Variants in ASPH observed in about 807,000 individuals in gnomAD.
The protein encoded by ASPH is aspartyl/asparaginyl beta-hydroxylase.
A neutral mutation model predicts 118.4 loss-of-function variants in ASPH; 100 were observed. That is an observed-to-expected ratio of 0.84 (90% CI 0.72 to 1.00). The LOEUF (loss-of-function observed/expected upper bound fraction) is 1.00. ASPH is among the 50% of genes least tolerant of loss of function. The probability of loss-of-function intolerance (pLI) is 0.00; values close to 1 mark genes in which losing one functional copy is unlikely to be tolerated. For missense variants in ASPH, 920 were observed against 919.5 expected, an observed-to-expected ratio of 1.00 and a Z score of -0.01; for synonymous variants, 315 against 325.6, an observed-to-expected ratio of 0.97 and a Z score of 0.35.
intron 3 of ASPH, chr8:61,680,636 T>G (rs1827569387): frequency 6.0e-6 from 1 of 166,828 alleles, no homozygotes; most frequent in Admixed American, 6.4e-5. Flanking sequence ...TGGCTATAAT[T>G]ACCATATCTA....
At chr8:61,578,081 T>C in intron 15 of ASPH, 3 of 952,192 alleles carry the variant, frequency 3.2e-6, no homozygotes, top group Non-Finnish European at 4.5e-6. Context: ...ATCAGTTACT[T>C]CTAAGATACA....
chr8:61,583,650 C>A, intron 15 of ASPH: 1 of 250,988 alleles, frequency 4.0e-6, no homozygotes, highest in Middle Eastern at 1.2e-3. Context: ...AGAAAACTAA[C>A]GCCCAGAAGA....
intron 19 of ASPH, among the ~76,000 whole-genome samples, chr8:61,554,910 C>T (rs1827312823): frequency 6.6e-6 from 1 of 152,088 alleles, no homozygotes; most frequent in Non-Finnish European, 1.5e-5. Flanking sequence ...ATGGGAATCT[C>T]ACTAGGTTGC....
chr8:61,578,296 C>G, intron 15 of ASPH: 1 of 1,593,818 alleles, frequency 6.3e-7, no homozygotes, highest in Non-Finnish European at 8.6e-7. Flanking sequence ...CGCTCCTACA[C>G]GAGTGGGCCC....
At chr8:61,508,144 A>G (rs1807365846) in intron 24 of ASPH, among the ~76,000 whole-genome samples, 2 of 152,222 alleles carry the variant, frequency 1.3e-5, no homozygotes, top group South Asian at 4.1e-4. Context: ...TCTCCCGAGT[A>G]CCTAGGACTA....
At chr8:61,574,886 C>A (rs2132050822) in intron 16 of ASPH, among the ~76,000 whole-genome samples, 1 of 152,028 alleles carries the variant, frequency 6.6e-6, no homozygotes, top group African/African-American at 2.4e-5. Flanking sequence ...AACAAACAAA[C>A]CCTCCCATGG....
intron 1 of ASPH, among the ~76,000 whole-genome samples, chr8:61,691,050 C>T (rs7003147): frequency 0.84 from 127,303 of 152,168 alleles, 53,398 homozygotes; most frequent in African/African-American, 0.88. Flanking sequence ...ATTAACCTTA[C>T]TACTATTGAT....
At chr8:61,672,337 G>A (rs568231818) in intron 3 of ASPH, among the ~76,000 whole-genome samples, 1 of 152,072 alleles carries the variant, frequency 6.6e-6, no homozygotes, top group Admixed American at 6.6e-5. Context: ...GACTAAATAA[G>A]CAGAAAGGGA....
intron 24 of ASPH, among the ~76,000 whole-genome samples, chr8:61,508,913 A>C (rs1807710102): frequency 6.6e-6 from 1 of 152,210 alleles, no homozygotes; most frequent in Non-Finnish European, 1.5e-5. Context: ...GCTCTTACTC[A>C]TTCTGATCTA....
intron 5 of ASPH, among the ~76,000 whole-genome samples, chr8:61,649,956 T>C (rs1380378162): frequency 6.6e-6 from 1 of 152,168 alleles, no homozygotes; most frequent in Non-Finnish European, 1.5e-5. Context: ...TCAGGTCCTT[T>C]CCTGTCTCTG....
chr8:61,712,270 A>G (rs1458673269), intron 1 of ASPH, among the ~76,000 whole-genome samples: 1 of 152,236 alleles, frequency 6.6e-6, no homozygotes, highest in Admixed American at 6.5e-5. Flanking sequence ...AACAGCATTA[A>G]AAGAAAAGCC....
At chr8:61,576,715 T>C in intron 16 of ASPH, 57 bp downstream of exon 16, 2 of 1,468,412 alleles carry the variant, frequency 1.4e-6, no homozygotes, top group Admixed American at 2.0e-5. Flanking sequence ...AAAAATTCAA[T>C]CACACAAAAC....
At position 61,552,999 on chromosome 8, in the gene ASPH, TAGAG is replaced by T. The variant is rs754013355; in HGVS notation, c.1626+28_1626+31del. 172 of 1,512,852 alleles carry T rather than the reference TAGAG, an allele frequency of 1.1e-4. 1 individual carries two copies. In the African/African-American group the frequency reaches 2.1e-3, roughly 18 times the overall value. The allele number at this position is 1,512,852 out of a possible 1,614,324, so 93.7% of individuals were successfully genotyped here. A position where few individuals can be genotyped will look rare whatever the true frequency, so the allele number is the denominator to read the frequency against. ...TTATTCTCCCAACTCCATCCTCTGTTAGAGAGAATCAGAAATTCATATACCCATT... is the reference window on the plus strand; with the variant it reads ...TTATTCTCCCAACTCCATCCTCTGTTAGAATCAGAAATTCATATACCCATT... On this transcript the variant is annotated intron_variant, in intron 20 of 24. Transcript: ENST00000379454.
intron 24 of ASPH, 112 bp from the exon 25 acceptor site, chr8:61,503,621 A>G: frequency 9.0e-6 from 9 of 994,506 alleles, no homozygotes; most frequent in African/African-American, 1.6e-5. Context: ...TTTGGGACAT[A>G]ACCAAATAAC....
At chr8:61,564,043 G>C (rs889327874) in intron 17 of ASPH, among the ~76,000 whole-genome samples, 2 of 152,204 alleles carry the variant, frequency 1.3e-5, no homozygotes, top group Non-Finnish European at 2.9e-5. Context: ...TGCTGTGGAA[G>C]AGGCAGTCAC....
chr8:61,626,659 C>T lies in ASPH; in HGVS notation c.934+7024G>A, dbSNP rs570555608. Among the ~76,000 whole-genome samples the T allele has an allele frequency of 4.6e-5, 7 of 150,674 alleles. No individual in the cohort carries two copies. The South Asian group carries it at 1.5e-3, about 32-fold the overall frequency. On this transcript the variant is annotated intron_variant, in intron 13 of 24. Transcript: ENST00000379454. ...GAAGCAGTTTCAAGGATCAACTGGA[C>T]ACTATAAGCTGCATTTAAAATATAT... is the stretch of plus-strand genomic sequence containing the variant.
In ASPH at chr8:61,539,699, G is replaced by GGGGTGTGTGTGTGTGTGTGTGTGT. The variant is rs1554618405; in HGVS notation, c.1764+8371_1764+8372insACACACACACACACACACACACCC. 8.8e-4 allele frequency among the ~76,000 whole-genome samples: 109 copies of GGGGTGTGTGTGTGTGTGTGTGTGT among 124,300 alleles called. 1 individual carries two copies. The highest frequency in any genetic ancestry group is 4.3e-3 in the Middle Eastern group (1 of 232). The allele number at this position is 124,300 out of a possible 152,430, so 81.5% of individuals were successfully genotyped here. On this transcript the variant is annotated intron_variant, in intron 21 of 24. Coordinates refer to ENST00000379454, the MANE Select transcript of ASPH (RefSeq NM_004318.4). Reference sequence around the variant, plus strand: ...TGTGATGGTCACCTAACACTTCTGGGGTGTGTGTGTGTGTGTGTGTGTGTG... The same window carrying GGGGTGTGTGTGTGTGTGTGTGTGT: ...TGTGATGGTCACCTAACACTTCTGGGGGGTGTGTGTGTGTGTGTGTGTGTGTGTGTGTGTGTGTGTGTGTGTGTG...
At chr8:61,543,693 T>C (rs1388626224) in intron 21 of ASPH, among the ~76,000 whole-genome samples, 3 of 152,356 alleles carry the variant, frequency 2.0e-5, no homozygotes, top group Admixed American at 6.5e-5. Flanking sequence ...TTGTGTGTCA[T>C]ATAATTTTTG....
chr8:61,544,627 C>A (rs1307523344), intron 21 of ASPH, among the ~76,000 whole-genome samples: 2 of 152,134 alleles, frequency 1.3e-5, no homozygotes, highest in Non-Finnish European at 2.9e-5. Flanking sequence ...GTTGCAACTT[C>A]TTATATGTAA....
Sources: gnomAD v4.1 joint callset for allele counts (sites outside exome capture counted in the v4.1 genomes callset) on GRCh38, gnomAD v4.1.1 for gene constraint, MANE v1.5 for transcripts, NCBI Gene and HGNC (gene_info 2026-07-23, HGNC 2026-07-21) for gene names.